The following CIMIP2B variants were observed in gnomAD, a reference collection of about 807,000 sequenced individuals.
CIMIP2B encodes family with sequence similarity 166 member B.
chr9:35,562,730 A>C, the CIMIP2B span: 2 of 1,613,266 alleles, frequency 1.2e-6, no homozygotes. Flanking sequence ...GCTGTCACAC[A>C]ATCTCCCAAG....
the CIMIP2B span, chr9:35,562,339 A>T: frequency 1.5e-6 from 2 of 1,345,924 alleles, no homozygotes; most frequent in Non-Finnish European, 9.9e-7. Context: ...CATACAAACA[A>T]ACATTCCAGT....
the CIMIP2B span, chr9:35,562,139 C>CA: frequency 7.3e-5 from 103 of 1,409,204 alleles, no homozygotes; most frequent in Non-Finnish European, 9.5e-5. Context: ...AGTGGCATGG[C>CA]AAAGCCATTT....
chr9:35,563,279 C>T, the CIMIP2B span: 72 of 1,613,760 alleles, frequency 4.5e-5, no homozygotes, highest in East Asian at 1.1e-4. Flanking sequence ...CAGAAGTGTG[C>T]GGTGGACAGG....
At chr9:35,562,801 C>T in the CIMIP2B span, 4 of 1,607,546 alleles carry the variant, frequency 2.5e-6, no homozygotes, top group Non-Finnish European at 3.4e-6. Context: ...ACTCATGCTG[C>T]CCCCACTGCC....
At chr9:35,562,640 A>G in the CIMIP2B span, 1 of 1,613,076 alleles carries the variant, frequency 6.2e-7, no homozygotes, top group South Asian at 1.1e-5. Context: ...CTGACCCCCC[A>G]GCTCTCACCT....
At chr9:35,562,405 T>G in the CIMIP2B span, 5 of 1,510,786 alleles carry the variant, frequency 3.3e-6, no homozygotes, top group South Asian at 5.5e-5. Context: ...CATAGTTAGG[T>G]AAAAGACCCA....
the CIMIP2B span, chr9:35,562,034 G>A: frequency 3.3e-6 from 5 of 1,532,628 alleles, no homozygotes; most frequent in Non-Finnish European, 4.4e-6. Context: ...TCTGGAAGGT[G>A]CTGAGGCCCA....
chr9:35,563,365 A>C, the CIMIP2B span: 93 of 1,613,268 alleles, frequency 5.8e-5, no homozygotes, highest in African/African-American at 9.9e-4. Context: ...CGCTGAACCG[A>C]AGTAGTGGGC....
At chr9:35,563,652 C>A in the CIMIP2B span, 1 of 949,390 alleles carries the variant, frequency 1.1e-6, no homozygotes, top group Non-Finnish European at 1.6e-6. Flanking sequence ...ACCATAGAGA[C>A]CTCAGCCTCC....
chr9:35,563,127 G>T, the CIMIP2B span: 1 of 1,613,030 alleles, frequency 6.2e-7, no homozygotes, highest in Non-Finnish European at 8.5e-7. Context: ...TGGAACACAT[G>T]CTCCTGGGAG....
At chr9:35,562,892 G>T in the CIMIP2B span, 1 of 1,613,944 alleles carries the variant, frequency 6.2e-7, no homozygotes, top group Middle Eastern at 1.7e-4. Flanking sequence ...ACCACCTCCA[G>T]TGTCGGCTCC....
At chr9:35,562,509 G>A in the CIMIP2B span, 1 of 1,576,912 alleles carries the variant, frequency 6.3e-7, no homozygotes, top group Admixed American at 1.9e-5. Context: ...TGCAGTGCCT[G>A]GTTGGTGAGC....
the CIMIP2B span, chr9:35,562,144 C>T: frequency 2.0e-5 from 28 of 1,377,774 alleles, no homozygotes; most frequent in Admixed American, 4.7e-5. Context: ...CATGGCAAAG[C>T]CATTTAATTC....
At chr9:35,562,219 A>T in the CIMIP2B span, 1 of 993,684 alleles carries the variant, frequency 1.0e-6, no homozygotes, top group African/African-American at 1.6e-5. Context: ...CACTGTGGGT[A>T]GCTACCTCGG....
the CIMIP2B span, chr9:35,562,895 T>G: frequency 6.2e-7 from 1 of 1,613,998 alleles, no homozygotes; most frequent in Middle Eastern, 1.7e-4. Flanking sequence ...ACCTCCAGTG[T>G]CGGCTCCTCC....
chr9:35,562,547 CGGGCGCA>C, the CIMIP2B span: 1 of 1,583,838 alleles, frequency 6.3e-7, no homozygotes, highest in African/African-American at 1.3e-5. Context: ...GAAGAGGAAG[CGGGCGCA>C]GGGCACATAG....
chr9:35,563,073 T>C, the CIMIP2B span: 4 of 1,613,804 alleles, frequency 2.5e-6, no homozygotes. Flanking sequence ...GTGCCCGGGG[T>C]ACAAAACCTG....
chr9:35,562,846 T>C, the CIMIP2B span: 1 of 1,613,638 alleles, frequency 6.2e-7, no homozygotes. Flanking sequence ...CCCACACCTC[T>C]GCACTCCCCA....
the CIMIP2B span, chr9:35,563,227 C>T: frequency 6.2e-7 from 1 of 1,613,920 alleles, no homozygotes; most frequent in African/African-American, 1.3e-5. Context: ...CAGGTAGACT[C>T]TCCCTGGGAA....
Sources: allele counts gnomAD v4.1 joint callset, GRCh38; gene constraint gnomAD v4.1.1; transcripts MANE v1.5; gene names NCBI Gene and HGNC (gene_info 2026-07-23, HGNC 2026-07-21).